Variants in ABTB3 observed in about 807,000 individuals in gnomAD.
The protein encoded by ABTB3 is ankyrin repeat- and BTB/POZ domain-containing protein 3.
chr12:107,321,916 A>T, the ABTB3 span, among the ~76,000 whole-genome samples: 1 of 151,936 alleles, frequency 6.6e-6, no homozygotes, highest in African/African-American at 2.4e-5. Context: ...TTTCCTTTGG[A>T]AGGCTCTAGT....
the ABTB3 span, among the ~76,000 whole-genome samples, chr12:107,518,235 A>G: frequency 6.6e-6 from 1 of 152,172 alleles, no homozygotes; most frequent in African/African-American, 2.4e-5. Flanking sequence ...TAGAAATACC[A>G]TTTGACCCAG....
the ABTB3 span, among the ~76,000 whole-genome samples, chr12:107,488,225 A>C: frequency 6.6e-6 from 1 of 152,134 alleles, no homozygotes; most frequent in Non-Finnish European, 1.5e-5. Context: ...ATTAGCTGGC[A>C]ACCTAAATCT....
At chr12:107,462,857 C>T in the ABTB3 span, among the ~76,000 whole-genome samples, 43 of 142,520 alleles carry the variant, frequency 3.0e-4, no homozygotes, top group Admixed American at 7.6e-4. Flanking sequence ...TAGTAGTGAC[C>T]GTGATGATAA....
chr12:107,513,160 A>G, the ABTB3 span, among the ~76,000 whole-genome samples: 3 of 152,216 alleles, frequency 2.0e-5, no homozygotes, highest in African/African-American at 7.2e-5. Context: ...TGTACTCCAT[A>G]AAAGTTGGCT....
the ABTB3 span, among the ~76,000 whole-genome samples, chr12:107,514,152 T>C: frequency 2.6e-5 from 4 of 152,336 alleles, no homozygotes; most frequent in South Asian, 2.1e-4. Context: ...TTTGTCCCAG[T>C]TGCACAGAGG....
chr12:107,447,395 G>C, the ABTB3 span, among the ~76,000 whole-genome samples: 1 of 152,144 alleles, frequency 6.6e-6, no homozygotes, highest in Non-Finnish European at 1.5e-5. Flanking sequence ...ACCCACCTCG[G>C]CCTCCCAAAA....
At chr12:107,529,164 GTGATGATGGTGATGGTGA>G in the ABTB3 span, among the ~76,000 whole-genome samples, 11 of 122,672 alleles carry the variant, frequency 9.0e-5, no homozygotes, top group South Asian at 7.4e-4. Flanking sequence ...GATGATGGTA[GTGATGATGGTGATGGTGA>G]TGATGATGGT....
chr12:107,604,196 G>A, the ABTB3 span, among the ~76,000 whole-genome samples: 2 of 151,710 alleles, frequency 1.3e-5, no homozygotes, highest in East Asian at 1.9e-4. Flanking sequence ...GGCCAGGCAC[G>A]GTGGCACTTT....
At chr12:107,431,282 C>T in the ABTB3 span, among the ~76,000 whole-genome samples, 1 of 152,216 alleles carries the variant, frequency 6.6e-6, no homozygotes, top group Admixed American at 6.5e-5. Flanking sequence ...CACCTCTGCA[C>T]TCCCAGGAGG....
At chr12:107,562,369 C>T in the ABTB3 span, among the ~76,000 whole-genome samples, 2 of 152,222 alleles carry the variant, frequency 1.3e-5, no homozygotes, top group African/African-American at 4.8e-5. Context: ...TCTAAGGAGA[C>T]AGCATTGGAG....
the ABTB3 span, among the ~76,000 whole-genome samples, chr12:107,623,129 C>G: frequency 6.7e-6 from 1 of 149,124 alleles, no homozygotes; most frequent in South Asian, 2.1e-4. Context: ...GGTGCAATCT[C>G]GGCTCACTGC....
chr12:107,483,173 A>T, the ABTB3 span, among the ~76,000 whole-genome samples: 1 of 151,830 alleles, frequency 6.6e-6, no homozygotes, highest in Non-Finnish European at 1.5e-5. Context: ...GACTATAGGC[A>T]TGCACCATCA....
At chr12:107,507,802 A>G in the ABTB3 span, among the ~76,000 whole-genome samples, 2,914 of 152,252 alleles carry the variant, frequency 0.019, 91 homozygotes, top group African/African-American at 0.066. Context: ...AGGTCACCTA[A>G]TGACCATCAG....
the ABTB3 span, among the ~76,000 whole-genome samples, chr12:107,331,411 C>T: frequency 9.6e-4 from 146 of 152,270 alleles, 2 homozygotes; most frequent in Non-Finnish European, 1.7e-3. Flanking sequence ...GAGAGGTTCA[C>T]GGGGACAGGA....
At chr12:107,637,683 G>A in the ABTB3 span, among the ~76,000 whole-genome samples, 4 of 152,162 alleles carry the variant, frequency 2.6e-5, no homozygotes, top group East Asian at 5.8e-4. Flanking sequence ...ATCTCAAACC[G>A]GCATCTCTGT....
At chr12:107,541,302 G>T in the ABTB3 span, among the ~76,000 whole-genome samples, 126 of 152,328 alleles carry the variant, frequency 8.3e-4, 1 homozygote, top group Admixed American at 7.8e-3. Flanking sequence ...TGGTGGAGAA[G>T]GGGTGAGATC....
At chr12:107,588,324 G>C in the ABTB3 span, among the ~76,000 whole-genome samples, 1 of 152,196 alleles carries the variant, frequency 6.6e-6, no homozygotes, top group Non-Finnish European at 1.5e-5. Context: ...GTAGTAGGAG[G>C]GAAACAGACT....
At chr12:107,566,624 G>A in the ABTB3 span, among the ~76,000 whole-genome samples, 2 of 147,248 alleles carry the variant, frequency 1.4e-5, no homozygotes, top group Non-Finnish European at 3.0e-5. Flanking sequence ...CAGGCATGAT[G>A]TAGCTTTCAT....
the ABTB3 span, among the ~76,000 whole-genome samples, chr12:107,653,177 A>AGTGACAGTGCAC: frequency 3.3e-5 from 5 of 152,188 alleles, no homozygotes; most frequent in African/African-American, 1.2e-4. Context: ...AGCTCTGGAC[A>AGTGACAGTGCAC]GTGACAGTGC....
Sources: gnomAD v4.1 joint callset for allele counts (sites outside exome capture counted in the v4.1 genomes callset) on GRCh38, gnomAD v4.1.1 for gene constraint, MANE v1.5 for transcripts, NCBI Gene and HGNC (gene_info 2026-07-23, HGNC 2026-07-21) for gene names.